The following TOX2 variants were observed in gnomAD, a reference collection of about 807,000 sequenced individuals.
The protein encoded by TOX2 is TOX high mobility group box family member 2.
Under a neutral mutation model 47.4 loss-of-function variants are expected in TOX2, and 15 were observed. The ratio of observed to expected loss-of-function variants is 0.32; its 90% CI spans 0.21 to 0.49. The LOEUF (loss-of-function observed/expected upper bound fraction) is 0.49, where lower values mean the gene tolerates loss of function less well. Among genes scored for constraint, TOX2 ranks in the 20% least tolerant of loss-of-function variants. TOX2 has a pLI of 0.99. For synonymous variants in TOX2, 290 were observed against 296.6 expected (o/e 0.98, Z 0.23); for missense variants, 622 against 673.1 (o/e 0.92, Z 0.84).
Position 44,066,875 on chromosome 20 carries a change from C to G in TOX2, c.1484+18C>G. ...ACCTGCAGGTTAGTCCTCGCCCGTC[C>G]CTGCCTTTGTCCTGCCAGCCAGGGA... On this transcript the variant is annotated intron_variant, in intron 8 of 8. Transcript: ENST00000341197. The G allele has an allele frequency of 6.2e-7, 1 of 1,604,820 alleles. No homozygotes were observed. The highest frequency in any genetic ancestry group is 8.5e-7 in the Non-Finnish European group (1 of 1,174,788).
At chr20:43,937,741 T>A (rs2069345577) in intron 1 of TOX2, among the ~76,000 whole-genome samples, 1 of 152,100 alleles carries the variant, frequency 6.6e-6, no homozygotes, top group East Asian at 1.9e-4. Flanking sequence ...GACCGCAGCA[T>A]CGAGTCCCCA....
At chr20:44,052,059 GC>G (rs1411225992) in intron 4 of TOX2, among the ~76,000 whole-genome samples, 3 of 152,200 alleles carry the variant, frequency 2.0e-5, no homozygotes, top group Non-Finnish European at 4.4e-5. Flanking sequence ...CACATTTATG[GC>G]CATTTGGCCC....
At chr20:43,936,775 C>T (rs1189235968) in intron 1 of TOX2, among the ~76,000 whole-genome samples, 1 of 152,186 alleles carries the variant, frequency 6.6e-6, no homozygotes, top group Non-Finnish European at 1.5e-5. Flanking sequence ...TTGTCAAATA[C>T]AAGCATATGG....
At chr20:44,041,978 A>G (rs1462792487) in intron 3 of TOX2, among the ~76,000 whole-genome samples, 11 of 152,248 alleles carry the variant, frequency 7.2e-5, no homozygotes, top group Admixed American at 7.2e-4. Flanking sequence ...AGAATTTGCA[A>G]TCAGGAAAGA....
intron 2 of TOX2, among the ~76,000 whole-genome samples, chr20:43,979,660 A>G (rs1308280893): frequency 1.3e-5 from 2 of 152,178 alleles, no homozygotes; most frequent in Non-Finnish European, 2.9e-5. Context: ...ATATATAAGG[A>G]GCTCAAATGA....
intron 5 of TOX2, among the ~76,000 whole-genome samples, chr20:44,062,392 AAATAAATAAATAAATG>A (rs1367386013): frequency 1.1e-4 from 16 of 148,620 alleles, no homozygotes; most frequent in Admixed American, 2.7e-4. Context: ...ATAAATAAAT[AAATAAATAAATAAATG>A]AATAAATAAA....
At chr20:44,067,215 G>A (rs548269267) in intron 8 of TOX2, among the ~76,000 whole-genome samples, 1 of 152,214 alleles carries the variant, frequency 6.6e-6, no homozygotes, top group South Asian at 2.1e-4. Context: ...GTGCCTTTGG[G>A]GATGCACTGG....
At chr20:43,920,420 C>T (rs2069100869) in intron 1 of TOX2, among the ~76,000 whole-genome samples, 1 of 152,204 alleles carries the variant, frequency 6.6e-6, no homozygotes, top group Non-Finnish European at 1.5e-5. Context: ...CAGCTCCTTT[C>T]TTCAGGGGCA....
intron 1 of TOX2, among the ~76,000 whole-genome samples, chr20:43,937,096 G>T (rs2069335936): frequency 6.6e-6 from 1 of 152,158 alleles, no homozygotes; most frequent in African/African-American, 2.4e-5. Context: ...CACAGGGCCG[G>T]GAGACCAGGC....
intron 1 of TOX2, among the ~76,000 whole-genome samples, chr20:43,931,709 C>T (rs2069255104): frequency 6.6e-6 from 1 of 152,112 alleles, no homozygotes; most frequent in Non-Finnish European, 1.5e-5. Context: ...CTGGACGGGG[C>T]AAGAGTGGAG....
chr20:44,061,437 A>G (rs940272243), intron 5 of TOX2, among the ~76,000 whole-genome samples: 13 of 152,090 alleles, frequency 8.5e-5, no homozygotes, highest in Non-Finnish European at 1.5e-4. Flanking sequence ...TATTCCTTCT[A>G]TGCCCAAAAT....
chr20:43,956,993 T>C (rs779518969), intron 1 of TOX2, among the ~76,000 whole-genome samples: 14 of 152,370 alleles, frequency 9.2e-5, no homozygotes, highest in Middle Eastern at 3.4e-3. Flanking sequence ...TTGGTGCTGA[T>C]ATTTTCTTAG....
At chr20:44,059,885 C>T (rs773040063) in intron 5 of TOX2, among the ~76,000 whole-genome samples, 3 of 152,050 alleles carry the variant, frequency 2.0e-5, no homozygotes, top group African/African-American at 2.4e-5. Flanking sequence ...AATAGCACAA[C>T]GAATAGAATA....
At chr20:44,039,039 G>T (rs2071288049) in intron 3 of TOX2, 2 of 1,240,728 alleles carry the variant, frequency 1.6e-6, no homozygotes, top group Non-Finnish European at 2.1e-6. Context: ...GGCTTCACTT[G>T]GTTCCCAGAC....
chr20:43,940,711 G>A (rs1433855325), intron 1 of TOX2, among the ~76,000 whole-genome samples: 1 of 152,098 alleles, frequency 6.6e-6, no homozygotes, highest in East Asian at 1.9e-4. Flanking sequence ...TAGGGGTGTG[G>A]TGTGGCACTT....
intron 3 of TOX2, 110 bp from the exon 4 acceptor site, chr20:44,051,196 G>C (rs375838230): frequency 1.4e-6 from 2 of 1,463,850 alleles, no homozygotes; most frequent in Non-Finnish European, 1.8e-6. Flanking sequence ...AGCAGGAGCC[G>C]CACCCATCAC....
At chr20:44,042,362 C>CAAT (rs924767825) in intron 3 of TOX2, among the ~76,000 whole-genome samples, 4 of 152,204 alleles carry the variant, frequency 2.6e-5, no homozygotes, top group Admixed American at 1.3e-4. Flanking sequence ...GAAACCATAT[C>CAAT]AATATGTGAC....
chr20:44,051,183 C>T lies in TOX2; in HGVS notation c.412-123C>T, dbSNP rs930093135. The T allele has an allele frequency of 3.1e-5, 43 of 1,371,448 alleles. No individual in the cohort carries two copies. In the East Asian group the frequency reaches 4.8e-4, roughly 15 times the overall value. The allele number at this position is 1,371,448 out of a possible 1,614,324, so 85.0% of individuals were successfully genotyped here. A position where few individuals can be genotyped will look rare whatever the true frequency, so the allele number is the denominator to read the frequency against. ...ATCTTGAGATTCACCTGTCAGGGAT[C>T]GGAGCAGGAGCCGCACCCATCACTT... On this transcript the variant is annotated intron_variant, in intron 3 of 8. Coordinates refer to ENST00000341197, the MANE Select transcript of TOX2 (RefSeq NM_001098797.2).
intron 1 of TOX2, among the ~76,000 whole-genome samples, chr20:43,956,608 A>G (rs1322171704): frequency 6.7e-6 from 1 of 150,356 alleles, no homozygotes; most frequent in South Asian, 2.1e-4. Context: ...TCACTTTACC[A>G]TCCCCAGCAC....
Sources: allele counts gnomAD v4.1 joint callset (sites outside exome capture counted in the v4.1 genomes callset), GRCh38; gene constraint gnomAD v4.1.1; transcripts MANE v1.5; gene names NCBI Gene and HGNC (gene_info 2026-07-23, HGNC 2026-07-21).